Variants in SLC8A1 observed in about 807,000 individuals in gnomAD.
SLC8A1 encodes the protein sodium/calcium exchanger 1.
A neutral mutation model predicts 68.3 loss-of-function variants in SLC8A1; 18 were observed. That is an observed-to-expected ratio of 0.26 (90% CI 0.18 to 0.39). The LOEUF is 0.39. SLC8A1 is among the 10% of genes least tolerant of loss of function. SLC8A1 has a pLI of 1.00. For synonymous variants in SLC8A1, 475 were observed against 415.5 expected, an observed-to-expected ratio of 1.14 and a Z score of -1.74; for missense variants, 985 against 1,156.7, an observed-to-expected ratio of 0.85 and a Z score of 2.15.
intron 2 of SLC8A1, among the ~76,000 whole-genome samples, chr2:40,229,890 A>G (rs2059440263): frequency 6.6e-6 from 1 of 152,208 alleles, no homozygotes; most frequent in Non-Finnish European, 1.5e-5. Context: ...GTTACTGATG[A>G]TTATAGCAAT....
exon 2 of SLC8A1, chr2:40,429,716 C>T (rs537581591): frequency 6.2e-7 from 1 of 1,613,862 alleles, no homozygotes; most frequent in South Asian, 1.1e-5. Flanking sequence ...TCAGGCACCA[C>T]ATAAACACAG....
chr2:40,303,924 T>C (rs759738309), intron 2 of SLC8A1, among the ~76,000 whole-genome samples: 18 of 152,184 alleles, frequency 1.2e-4, no homozygotes, highest in Non-Finnish European at 2.5e-4. Flanking sequence ...CAGCAGACAA[T>C]TCTCCTTTTT....
chr2:40,473,548 T>C (rs1398243690), intron 1 of SLC8A1, among the ~76,000 whole-genome samples: 5 of 152,224 alleles, frequency 3.3e-5, no homozygotes, highest in African/African-American at 1.2e-4. Flanking sequence ...ACATTTTACA[T>C]GTTTTGTTGA....
chr2:40,419,117 G>C (rs1431555711), intron 2 of SLC8A1, among the ~76,000 whole-genome samples: 4 of 152,194 alleles, frequency 2.6e-5, no homozygotes, highest in Non-Finnish European at 4.4e-5. Flanking sequence ...CTATGTCTTA[G>C]GTACCAGTGT....
chr2:40,327,076 C>T (rs1015042638), intron 2 of SLC8A1, among the ~76,000 whole-genome samples: 3 of 152,202 alleles, frequency 2.0e-5, no homozygotes, highest in Non-Finnish European at 4.4e-5. Flanking sequence ...AAACTACTTA[C>T]AATTCTACTA....
rs560511727 is a variant in SLC8A1 at position 40,392,670 on chromosome 2, T to C, written c.1808+35803A>G. The stretch of plus-strand genomic sequence containing the variant: ...TTCCAAGATTTTGTATTCCTTGATA[T>C]AACCTTTAAATTGCCTTCTTCACAT... On this transcript the variant is annotated intron_variant, in intron 2 of 7. Transcript: ENST00000406785. Among the ~76,000 whole-genome samples the C allele has an allele frequency of 2.0e-4, 31 of 152,234 alleles. No homozygotes were observed. In the South Asian group the frequency reaches 6.2e-3, roughly 31 times the overall value.
chr2:40,454,886 G>C (rs1159455956), upstream of SLC8A1, among the ~76,000 whole-genome samples: 1 of 152,242 alleles, frequency 6.6e-6, no homozygotes, highest in South Asian at 2.1e-4. Context: ...AAAGGAAAAA[G>C]TGAGGCTGCT....
chr2:40,293,900 T>C (rs2069822400), intron 2 of SLC8A1, among the ~76,000 whole-genome samples: 1 of 152,178 alleles, frequency 6.6e-6, no homozygotes, highest in African/African-American at 2.4e-5. Flanking sequence ...AGTATCCAGA[T>C]GTTATTTTAG....
intron 2 of SLC8A1, among the ~76,000 whole-genome samples, chr2:40,264,642 T>G (rs991653292): frequency 3.3e-5 from 5 of 152,084 alleles, no homozygotes; most frequent in African/African-American, 1.2e-4. Context: ...TAGGTGGGAA[T>G]TGAACAATGA....
intron 2 of SLC8A1, among the ~76,000 whole-genome samples, chr2:40,216,530 G>A (rs992980404): frequency 1.3e-5 from 2 of 152,160 alleles, no homozygotes; most frequent in African/African-American, 4.8e-5. Flanking sequence ...TAATGGGATT[G>A]CTTGATCAAA....
chr2:40,385,346 A>G (rs996076971), intron 2 of SLC8A1, among the ~76,000 whole-genome samples: 2 of 151,662 alleles, frequency 1.3e-5, no homozygotes, highest in Non-Finnish European at 2.9e-5. Flanking sequence ...AGCCACACTT[A>G]AAGAAAGTTG....
intron 2 of SLC8A1, among the ~76,000 whole-genome samples, chr2:40,245,350 T>C (rs968639808): frequency 6.6e-6 from 1 of 152,200 alleles, no homozygotes; most frequent in Non-Finnish European, 1.5e-5. Context: ...TGATTGTCCG[T>C]TAAATACATT....
chr2:40,327,789 C>T (rs563564324), intron 2 of SLC8A1, among the ~76,000 whole-genome samples: 2 of 152,198 alleles, frequency 1.3e-5, no homozygotes, highest in African/African-American at 4.8e-5. Context: ...GAACAACTAC[C>T]TATTGGATAC....
chr2:40,400,070 G>T (rs1161085683), intron 2 of SLC8A1, among the ~76,000 whole-genome samples: 2 of 152,100 alleles, frequency 1.3e-5, no homozygotes, highest in African/African-American at 4.8e-5. Context: ...TCACGTACCC[G>T]CTGCTTGCTC....
chr2:40,404,015 T>C (rs758449419), intron 2 of SLC8A1, among the ~76,000 whole-genome samples: 15 of 152,204 alleles, frequency 9.9e-5, no homozygotes, highest in Non-Finnish European at 1.9e-4. Context: ...TGGTATCTAA[T>C]AGAGAATATT....
chr2:40,415,865 C>CGTAT (rs1693682146), intron 2 of SLC8A1, among the ~76,000 whole-genome samples: 1 of 58,484 alleles, frequency 1.7e-5, no homozygotes, highest in Non-Finnish European at 2.9e-5. Flanking sequence ...AGTATACACA[C>CGTAT]ACACACACAC....
intron 2 of SLC8A1, among the ~76,000 whole-genome samples, chr2:40,208,094 G>A (rs2055839602): frequency 6.6e-6 from 1 of 152,086 alleles, no homozygotes; most frequent in Admixed American, 6.6e-5. Context: ...TACAGCCAAG[G>A]AATGAGATGA....
At chr2:40,154,042 A>T (rs181824696) in intron 6 of SLC8A1, among the ~76,000 whole-genome samples, 197 of 152,320 alleles carry the variant, frequency 1.3e-3, no homozygotes, top group Non-Finnish European at 9.4e-4. Flanking sequence ...TTGAGCTGAA[A>T]GCCTACTGGA....
intron 2 of SLC8A1, among the ~76,000 whole-genome samples, chr2:40,397,145 T>C (rs569129063): frequency 6.6e-6 from 1 of 152,286 alleles, no homozygotes; most frequent in African/African-American, 2.4e-5. Flanking sequence ...AGATACACAG[T>C]GTTTAAAGTA....
Sources: allele counts gnomAD v4.1 joint callset (sites outside exome capture counted in the v4.1 genomes callset), GRCh38; gene constraint gnomAD v4.1.1; transcripts MANE v1.5; gene names NCBI Gene and HGNC (gene_info 2026-07-23, HGNC 2026-07-21).